AGPAT2: variants seen among roughly 807,000 people sequenced by gnomAD.
AGPAT2 encodes the protein 1-acylglycerol-3-phosphate O-acyltransferase 2.
AGPAT2 carries 18 observed loss-of-function variants against 26.1 expected under a neutral mutation model. The ratio of observed to expected loss-of-function variants is 0.69; its 90% CI spans 0.48 to 1.02. The LOEUF is 1.02. Ranked by LOEUF, AGPAT2 falls within the 50% of genes least tolerant of loss-of-function variation. The pLI, the probability that AGPAT2 is intolerant of heterozygous loss-of-function variation, is 0.00. For missense variants in AGPAT2, 415 were observed against 394.9 expected, an observed-to-expected ratio of 1.05 and a Z score of -0.43; for synonymous variants, 200 against 174.2, an observed-to-expected ratio of 1.15 and a Z score of -1.16.
intron 1 of AGPAT2, among the ~76,000 whole-genome samples, chr9:136,685,127 C>T (rs1176031784): frequency 1.3e-5 from 2 of 152,232 alleles, no homozygotes; most frequent in Admixed American, 6.5e-5. Context: ...GACTGCCCTG[C>T]CCTCTGGCCC....
In AGPAT2 at chr9:136,677,199, G is replaced by C; in HGVS notation, c.317-63C>G. The C allele has an allele frequency of 1.4e-5, 23 of 1,586,534 alleles. No individual in the cohort carries two copies. In the South Asian group the frequency reaches 2.6e-4, roughly 18 times the overall value. On this transcript the variant is annotated intron_variant, in intron 2 of 5. Coordinates refer to ENST00000371696, the MANE Select transcript of AGPAT2 (RefSeq NM_006412.4). ...AGACAGCGTGCGCTGGAAGACAGCTGCTGAGCACCCACAGGCCTGCCTGGC... is the reference window on the plus strand; with the variant it reads ...AGACAGCGTGCGCTGGAAGACAGCTCCTGAGCACCCACAGGCCTGCCTGGC...
rs928343812 is a variant in AGPAT2, at chr9:136,673,408, G to A, written c.*344C>T. On this transcript the variant is annotated 3_prime_UTR_variant, in exon 6 of 6. Coordinates refer to ENST00000371696, the MANE Select transcript of AGPAT2 (RefSeq NM_006412.4). ...GCTCGGACAGTGTGCGTCTGGCCTC[G>A]GGGTCCTCCCATCTGCTCCTGGGCC... is the stretch of plus-strand genomic sequence containing the variant. The A allele has an allele frequency of 3.4e-4, 72 of 214,504 alleles. No individual in the cohort carries two copies. The highest frequency in any genetic ancestry group is 1.5e-3 in the Middle Eastern group (1 of 662). 13.3% of individuals were successfully genotyped at this position (214,504 alleles called of 1,614,324 possible). A position where few individuals can be genotyped will look rare whatever the true frequency, so the allele number is the denominator to read the frequency against.
At chr9:136,678,122 T>C (rs1022324769) in intron 1 of AGPAT2, among the ~76,000 whole-genome samples, 5 of 152,144 alleles carry the variant, frequency 3.3e-5, no homozygotes, top group African/African-American at 1.2e-4. Flanking sequence ...CTCTCACCCC[T>C]ACCCTACAGA....
At chr9:136,684,584 A>G (rs1010420494) in intron 1 of AGPAT2, among the ~76,000 whole-genome samples, 1 of 152,142 alleles carries the variant, frequency 6.6e-6, no homozygotes, top group Non-Finnish European at 1.5e-5. Flanking sequence ...CAGCCAGGGC[A>G]GCCATTGCTC....
At chr9:136,675,106 G>T (rs935017472) in intron 4 of AGPAT2, among the ~76,000 whole-genome samples, 1 of 152,170 alleles carries the variant, frequency 6.6e-6, no homozygotes, top group Non-Finnish European at 1.5e-5. Context: ...AGCTAGCCAG[G>T]GGGGCAGGGC....
At position 136,674,163 on chromosome 9, in the gene AGPAT2, CCT is replaced by C. The variant is rs1015614038; in HGVS notation, c.662-238_662-237del. ...CGCATTTTCGACAAGTCTGCGCTCC[CCT>C]GTTACTGCCCCCAGAAAGCCCCACT... is the stretch of plus-strand genomic sequence containing the variant. On this transcript the variant is annotated intron_variant, in intron 5 of 5. Coordinates refer to ENST00000371696, the MANE Select transcript of AGPAT2 (RefSeq NM_006412.4). Among the ~76,000 whole-genome samples the C allele has an allele frequency of 1.4e-4, 22 of 152,296 alleles. No homozygotes were observed. In the East Asian group the frequency reaches 1.5e-3, roughly 11 times the overall value.
chr9:136,674,017 C>G (rs1012838445), intron 5 of AGPAT2, 90 bp from the exon 6 acceptor site: 8 of 1,290,484 alleles, frequency 6.2e-6, no homozygotes, highest in Middle Eastern at 2.8e-4. Flanking sequence ...CCCAGCCCCC[C>G]ACAGCCCCTC....
chr9:136,673,789 C>T lies in AGPAT2; in HGVS notation c.800G>A (p.Gly267Glu). Residue 267 changes from glycine (G) to glutamate (E), a missense_variant, in exon 6 of 6, where the codon GGG becomes GAG. By Grantham distance (98) the Gly-to-Glu change is moderately conservative. Coordinates refer to ENST00000371696, the MANE Select transcript of AGPAT2 (RefSeq NM_006412.4). Reference sequence around the variant, plus strand: ...CTGCACGCCAGACCCCGCAGTGGCCCCGTTCTCCTGGGGGGTCTTGGAGAT... The same window carrying T: ...CTGCACGCCAGACCCCGCAGTGGCCTCGTTCTCCTGGGGGGTCTTGGAGAT... ...LHISKTPQEN[G>E]ATAGSGVQPA... is the part of the protein sequence containing the mutation. 1.9e-6 allele frequency: 3 copies of T among 1,604,322 alleles called. No homozygotes were observed. Among genetic ancestry groups the T allele is most frequent in the Non-Finnish European group, 2.5e-6 (3 of 1,177,010 alleles).
intron 3 of AGPAT2, 59 bp from the exon 4 acceptor site, chr9:136,676,739 G>C: frequency 6.7e-7 from 1 of 1,501,664 alleles, no homozygotes; most frequent in Non-Finnish European, 9.3e-7. Flanking sequence ...GAAAGGCCAC[G>C]CCGCCTCGCC....
At chr9:136,676,342 C>T (rs1846089736) in intron 4 of AGPAT2, among the ~76,000 whole-genome samples, 1 of 152,202 alleles carries the variant, frequency 6.6e-6, no homozygotes, top group Non-Finnish European at 1.5e-5. Flanking sequence ...GCACTGGGTG[C>T]CCACCAAGGG....
intron 1 of AGPAT2, among the ~76,000 whole-genome samples, chr9:136,679,295 C>T (rs780287829): frequency 5.3e-5 from 8 of 152,156 alleles, no homozygotes; most frequent in Non-Finnish European, 1.2e-4. Context: ...GGCAGCACCA[C>T]CTCAGGCTGA....
Position 136,676,648 on chromosome 9 carries a change from G to GC in AGPAT2, c.524dup (p.Asn176GlnfsTer10). The GC allele has an allele frequency of 6.2e-7, 1 of 1,613,578 alleles. No individual in the cohort carries two copies. The highest frequency in any genetic ancestry group is 8.5e-7 in the Non-Finnish European group (1 of 1,179,910). ...AAGGCAGCAGGTCCCCATTGTCGTT[G>GC]CGAGTACCCTCGGGATAGATCCACA... On this transcript the variant is annotated frameshift_variant, in exon 4 of 6. Transcript: ENST00000371696. LOFTEE classifies it high-confidence loss of function.
chr9:136,676,684 C>T lies in AGPAT2; in HGVS notation c.493-4G>A, dbSNP rs751992540. On this transcript the variant is annotated splice_polypyrimidine_tract_variant and splice_region_variant and intron_variant, in intron 3 of 5. Transcript: ENST00000371696. ...CGGGATAGATCCACACTTTGAGCTG[C>T]AGGGAGAGGAGAGCCTGGACTGACC... The T allele has an allele frequency of 1.2e-6, 2 of 1,613,124 alleles. No individual in the cohort carries two copies. The highest frequency in any genetic ancestry group is 1.7e-6 in the Non-Finnish European group (2 of 1,179,626).
chr9:136,673,984 C>T, intron 5 of AGPAT2, 57 bp from the exon 6 acceptor site: 1 of 1,425,762 alleles, frequency 7.0e-7, no homozygotes, highest in Admixed American at 2.5e-5. Context: ...CCACCTCAGC[C>T]TGCTGCCCTG....
rs780572944 is a variant in AGPAT2, at chr9:136,677,394, C to T, written c.316+29G>A. ...CAGCTCAGCCGGCCCCACTCAAACC[C>T]CAGAAGCCACCCCCGAGGCCCGGCC... On this transcript the variant is annotated intron_variant, in intron 2 of 5. Coordinates refer to ENST00000371696, the MANE Select transcript of AGPAT2 (RefSeq NM_006412.4). The T allele has an allele frequency of 6.2e-6, 10 of 1,612,844 alleles. No homozygotes were observed. The African/African-American group carries it at 8.0e-5, about 13-fold the overall frequency.
intron 1 of AGPAT2, among the ~76,000 whole-genome samples, chr9:136,682,386 C>A (rs757348426): frequency 2.0e-5 from 3 of 152,228 alleles, no homozygotes; most frequent in Non-Finnish European, 4.4e-5. Flanking sequence ...ACTCCCCTCC[C>A]ACCAACCACA....
At chr9:136,680,643 C>A (rs1846147439) in intron 1 of AGPAT2, among the ~76,000 whole-genome samples, 1 of 152,200 alleles carries the variant, frequency 6.6e-6, no homozygotes, top group South Asian at 2.1e-4. Context: ...CTCTGTAAAT[C>A]TGAAATTATT....
At chr9:136,684,727 CCCCA>C (rs1377692535) in intron 1 of AGPAT2, among the ~76,000 whole-genome samples, 1 of 152,210 alleles carries the variant, frequency 6.6e-6, no homozygotes, top group Non-Finnish European at 1.5e-5. Flanking sequence ...TGGGTTCGAA[CCCCA>C]GTTCCACCCC....
intron 1 of AGPAT2, among the ~76,000 whole-genome samples, chr9:136,685,995 TG>T (rs907743282): frequency 6.6e-6 from 1 of 152,208 alleles, no homozygotes; most frequent in Non-Finnish European, 1.5e-5. Flanking sequence ...GACCCCGGCC[TG>T]GGCCACCTGG....
Sources: gnomAD v4.1 joint callset for allele counts (sites outside exome capture counted in the v4.1 genomes callset) on GRCh38, gnomAD v4.1.1 for gene constraint, MANE v1.5 for transcripts, NCBI Gene and HGNC (gene_info 2026-07-23, HGNC 2026-07-21) for gene names.